Variants in DAB1 observed in about 807,000 individuals in gnomAD.
DAB1 encodes disabled homolog 1.
DAB1 carries 15 observed loss-of-function variants against 64.6 expected under a neutral mutation model. The observed-to-expected ratio is 0.23, with a 90% CI of 0.16 to 0.36. The LOEUF is 0.36. Ranked by LOEUF, DAB1 falls within the 10% of genes least tolerant of loss-of-function variation. DAB1 has a pLI of 1.00. For synonymous variants in DAB1, 235 were observed against 251.9 expected, an observed-to-expected ratio of 0.93 and a Z score of 0.64; for missense variants, 596 against 706.7, an observed-to-expected ratio of 0.84 and a Z score of 1.78.
chr1:57,537,441 A>T (rs1371240381), intron 7 of DAB1, among the ~76,000 whole-genome samples: 1 of 152,174 alleles, frequency 6.6e-6, no homozygotes, highest in East Asian at 1.9e-4. Context: ...GCTTTTCTCT[A>T]TTGCAGTGAT....
At chr1:57,806,857 A>C (rs1651386805) in intron 6 of DAB1, among the ~76,000 whole-genome samples, 2 of 152,262 alleles carry the variant, frequency 1.3e-5, no homozygotes, top group South Asian at 4.2e-4. Flanking sequence ...ATTCTTTAAA[A>C]CATGTTTTAT....
chr1:57,311,628 C>T (rs1217256805), intron 1 of DAB1, among the ~76,000 whole-genome samples: 1 of 151,998 alleles, frequency 6.6e-6, no homozygotes, highest in East Asian at 1.9e-4. Context: ...GACCTTGCTC[C>T]CAATAAATGA....
chr1:57,589,033 C>T (rs993230347), intron 7 of DAB1, among the ~76,000 whole-genome samples: 3 of 151,972 alleles, frequency 2.0e-5, no homozygotes, highest in Non-Finnish European at 4.4e-5. Context: ...GTCAGGAGTT[C>T]GAGACCAGCC....
chr1:58,107,884 T>C (rs1651756514), intron 5 of DAB1, among the ~76,000 whole-genome samples: 1 of 152,080 alleles, frequency 6.6e-6, no homozygotes, highest in Admixed American at 6.5e-5. Flanking sequence ...CTCAAAGTGC[T>C]GGGATTACAG....
chr1:58,482,438 G>A (rs1645504063), intron 3 of DAB1, among the ~76,000 whole-genome samples: 1 of 152,180 alleles, frequency 6.6e-6, no homozygotes, highest in African/African-American at 2.4e-5. Context: ...TGGGTATATG[G>A]ATAATTTTAA....
intron 4 of DAB1, among the ~76,000 whole-genome samples, chr1:58,163,454 C>A: frequency 6.6e-6 from 1 of 152,132 alleles, no homozygotes; most frequent in East Asian, 1.9e-4. Flanking sequence ...ATCTATAAAG[C>A]TGGACAAAAT....
intron 2 of DAB1, among the ~76,000 whole-genome samples, chr1:57,156,154 A>G (rs1660204748): frequency 6.6e-6 from 1 of 151,926 alleles, no homozygotes; most frequent in Non-Finnish European, 1.5e-5. Flanking sequence ...CTCCGCTTTC[A>G]CCCTCTAATC....
At chr1:57,682,228 T>C (rs1297030011) in intron 6 of DAB1, among the ~76,000 whole-genome samples, 1 of 151,426 alleles carries the variant, frequency 6.6e-6, no homozygotes, top group Non-Finnish European at 1.5e-5. Flanking sequence ...CCATTAAACA[T>C]AAGAAGCACT....
chr1:58,301,983 C>A (rs1169345962), intron 4 of DAB1, among the ~76,000 whole-genome samples: 1 of 152,150 alleles, frequency 6.6e-6, no homozygotes. Context: ...ATTCTCACCA[C>A]CACCTTGGGA....
At chr1:57,802,081 G>A (rs934855611) in intron 6 of DAB1, among the ~76,000 whole-genome samples, 1 of 152,182 alleles carries the variant, frequency 6.6e-6, no homozygotes, top group Non-Finnish European at 1.5e-5. Context: ...GGGAGATTAG[G>A]TTCCAACAGA....
At chr1:58,528,231 A>G (rs1646381860) in intron 1 of DAB1, among the ~76,000 whole-genome samples, 1 of 152,222 alleles carries the variant, frequency 6.6e-6, no homozygotes, top group African/African-American at 2.4e-5. Context: ...TATTGATAAC[A>G]TAAGGATTTA....
At chr1:57,733,206 T>C (rs1001959201) in intron 6 of DAB1, among the ~76,000 whole-genome samples, 1 of 151,996 alleles carries the variant, frequency 6.6e-6, no homozygotes, top group Non-Finnish European at 1.5e-5. Flanking sequence ...TGCAACTTGC[T>C]CTCCTAACCC....
At chr1:57,492,143 T>C (rs758021034) in intron 7 of DAB1, among the ~76,000 whole-genome samples, 15 of 152,150 alleles carry the variant, frequency 9.9e-5, no homozygotes, top group Non-Finnish European at 2.1e-4. Flanking sequence ...ATGTTCATAG[T>C]CTCCTGAAAA....
At chr1:57,792,312 C>T (rs918956381) in intron 6 of DAB1, among the ~76,000 whole-genome samples, 1 of 152,186 alleles carries the variant, frequency 6.6e-6, no homozygotes, top group Non-Finnish European at 1.5e-5. Context: ...TCATCAGACA[C>T]ATTTATTTAT....
At chr1:58,173,205 G>A (rs548214832) in intron 4 of DAB1, among the ~76,000 whole-genome samples, 1 of 152,216 alleles carries the variant, frequency 6.6e-6, no homozygotes, top group Admixed American at 6.5e-5. Context: ...TTTCACAGGG[G>A]TATAGTTTTC....
chr1:58,023,187 A>T lies in DAB1; in HGVS notation n.387+127324T>A, dbSNP rs888390180. On this transcript the variant is annotated intron_variant and non_coding_transcript_variant, in intron 5 of 20. Transcript: ENST00000485760. Reference sequence around the variant, plus strand: ...ATAATACAATAAAATCTTACAAAAAATTTAAAATAAACCTCTCCAATACCC... The same window carrying T: ...ATAATACAATAAAATCTTACAAAAATTTTAAAATAAACCTCTCCAATACCC... Among the ~76,000 whole-genome samples the T allele has an allele frequency of 2.0e-5, 3 of 148,052 alleles. No homozygotes were observed. In the Admixed American group the frequency reaches 2.1e-4, roughly 10 times the overall value.
intron 1 of DAB1, chr1:58,530,876 C>T (rs550173167): frequency 1.7e-5 from 10 of 573,970 alleles, no homozygotes; most frequent in African/African-American, 7.5e-5. Flanking sequence ...TTATTCTTTC[C>T]GGGTCTGTTT....
chr1:58,119,530 A>G (rs1281624010), intron 5 of DAB1, among the ~76,000 whole-genome samples: 1 of 152,138 alleles, frequency 6.6e-6, no homozygotes, highest in Non-Finnish European at 1.5e-5. Context: ...GGTTTCAAAT[A>G]GGGAATCATG....
chr1:57,192,378 T>C (rs1664218711), intron 2 of DAB1, among the ~76,000 whole-genome samples: 1 of 151,232 alleles, frequency 6.6e-6, no homozygotes, highest in East Asian at 1.9e-4. Context: ...ACTGCATCTA[T>C]ACAAATCCCA....
Sources: gnomAD v4.1 joint callset for allele counts (sites outside exome capture counted in the v4.1 genomes callset) on GRCh38, gnomAD v4.1.1 for gene constraint, MANE v1.5 for transcripts, NCBI Gene and HGNC (gene_info 2026-07-23, HGNC 2026-07-21) for gene names.